FLT1: variants seen among roughly 807,000 people sequenced by gnomAD.
The protein encoded by FLT1 is fms related receptor tyrosine kinase 1.
A neutral mutation model predicts 156.3 loss-of-function variants in FLT1; 49 were observed. The observed-to-expected ratio is 0.31, with a 90% confidence interval of 0.25 to 0.40. FLT1 has a LOEUF of 0.40. Ranked by LOEUF, FLT1 falls within the 10% of genes least tolerant of loss-of-function variation. FLT1 has a pLI of 1.00. For missense variants in FLT1, 1,322 were observed against 1,637.2 expected, an observed-to-expected ratio of 0.81 and a Z score of 3.32; for synonymous variants, 594 against 583.8, an observed-to-expected ratio of 1.02 and a Z score of -0.25.
At chr13:28,361,051 G>A (rs1325192578) in intron 14 of FLT1, among the ~76,000 whole-genome samples, 1 of 152,138 alleles carries the variant, frequency 6.6e-6, no homozygotes, top group Admixed American at 6.5e-5. Flanking sequence ...AGGCCGAGGT[G>A]GGTGGATCAT....
At chr13:28,403,392 TTTTG>T (rs774013703) in intron 11 of FLT1, among the ~76,000 whole-genome samples, 2 of 152,224 alleles carry the variant, frequency 1.3e-5, no homozygotes, top group Non-Finnish European at 2.9e-5. Context: ...CATGGGCATG[TTTTG>T]ATACTCCACC....
intron 1 of FLT1, 26 bp from the exon 2 acceptor site, chr13:28,467,643 T>C (rs1879924197): frequency 1.5e-6 from 2 of 1,298,302 alleles, no homozygotes; most frequent in Non-Finnish European, 2.2e-6. Flanking sequence ...TTAAAATGTA[T>C]TATTTGTAAA....
intron 3 of FLT1, among the ~76,000 whole-genome samples, chr13:28,446,832 T>A (rs995434972): frequency 1.3e-5 from 2 of 152,144 alleles, no homozygotes; most frequent in Non-Finnish European, 2.9e-5. Context: ...AGACCCAGAA[T>A]AGACAAAACA....
chr13:28,482,807 A>G (rs1048770680), intron 1 of FLT1, among the ~76,000 whole-genome samples: 2 of 152,212 alleles, frequency 1.3e-5, no homozygotes, highest in Non-Finnish European at 2.9e-5. Context: ...ATTCCTGAAA[A>G]TTCACTCCTG....
intron 10 of FLT1, among the ~76,000 whole-genome samples, chr13:28,421,232 G>A (rs1227438997): frequency 6.6e-6 from 1 of 152,076 alleles, no homozygotes; most frequent in Non-Finnish European, 1.5e-5. Flanking sequence ...AGTTTTGCAA[G>A]CGGTTCCTTG....
At chr13:28,485,710 G>A (rs2137664445) in intron 1 of FLT1, among the ~76,000 whole-genome samples, 1 of 152,286 alleles carries the variant, frequency 6.6e-6, no homozygotes, top group African/African-American at 2.4e-5. Context: ...TTGACCAATA[G>A]AATGTGGTAG....
chr13:28,421,490 T>G (rs538091361), intron 10 of FLT1, among the ~76,000 whole-genome samples: 1 of 152,286 alleles, frequency 6.6e-6, no homozygotes, highest in Non-Finnish European at 1.5e-5. Flanking sequence ...AGGTTGGCAC[T>G]GCGGAAAATA....
intron 14 of FLT1, among the ~76,000 whole-genome samples, chr13:28,383,084 T>C (rs1269328415): frequency 6.6e-6 from 1 of 152,234 alleles, no homozygotes; most frequent in Non-Finnish European, 1.5e-5. Flanking sequence ...ATTAAAATCA[T>C]AAATAATTTC....
At chr13:28,451,142 G>C (rs1878910195) in intron 3 of FLT1, among the ~76,000 whole-genome samples, 1 of 152,226 alleles carries the variant, frequency 6.6e-6, no homozygotes, top group Non-Finnish European at 1.5e-5. Context: ...CCAACAGTTG[G>C]CCAGGCACGG....
At chr13:28,425,521 A>G (rs1433016224) in intron 10 of FLT1, among the ~76,000 whole-genome samples, 2 of 110,804 alleles carry the variant, frequency 1.8e-5, no homozygotes, top group Admixed American at 9.9e-5. Context: ...TTTTATTAGC[A>G]TCACTTAAAC....
intron 13 of FLT1, chr13:28,386,374 A>G: frequency 5.9e-6 from 6 of 1,010,510 alleles, no homozygotes; most frequent in Non-Finnish European, 6.0e-6. Context: ...CAGGGTTACT[A>G]TCTGTTAGGA....
At position 28,430,188 on chromosome 13, in the gene FLT1, C is replaced by A. The variant is rs112941796; in HGVS notation, c.989-21G>T. On this transcript the variant is annotated intron_variant, in intron 7 of 29. Coordinates refer to ENST00000282397, the MANE Select transcript of FLT1 (RefSeq NM_002019.4). ...TTTATCTTTGAAAGGAGAAGTGATA[C>A]ATACATTAGAAAAGAATAATTTCCA... 1.2e-3 allele frequency: 1,748 copies of A among 1,519,528 alleles called. 23 individuals are homozygous for A. In the African/African-American group the frequency reaches 0.02, roughly 17 times the overall value. 94.1% of individuals were successfully genotyped at this position (1,519,528 alleles called of 1,614,324 possible). A position where few individuals can be genotyped will look rare whatever the true frequency, so the allele number is the denominator to read the frequency against.
chr13:28,453,905 A>G (rs1262689897), intron 3 of FLT1, among the ~76,000 whole-genome samples: 1 of 152,158 alleles, frequency 6.6e-6, no homozygotes, highest in Non-Finnish European at 1.5e-5. Context: ...GTGAGAGGTG[A>G]GTCCTGTGTG....
chr13:28,488,170 G>A (rs2137668995), intron 1 of FLT1, among the ~76,000 whole-genome samples: 1 of 152,190 alleles, frequency 6.6e-6, no homozygotes, highest in South Asian at 2.1e-4. Context: ...GATCGAGGCG[G>A]GTGGATCACT....
At chr13:28,386,001 T>C (rs1874339276) in intron 13 of FLT1, 3 of 1,051,610 alleles carry the variant, frequency 2.9e-6, no homozygotes, top group Non-Finnish European at 3.4e-6. Flanking sequence ...AGTCATTCCT[T>C]TCCCCTCTTG....
intron 10 of FLT1, among the ~76,000 whole-genome samples, chr13:28,425,406 T>C (rs142884127): frequency 2.6e-4 from 40 of 152,290 alleles, no homozygotes; most frequent in African/African-American, 8.2e-4. Context: ...CTTGGCGAAC[T>C]TATTCCATCA....
At chr13:28,402,161 CAAAGAAAA>C (rs1816286294) in intron 11 of FLT1, among the ~76,000 whole-genome samples, 2 of 152,048 alleles carry the variant, frequency 1.3e-5, no homozygotes, top group Admixed American at 1.3e-4. Flanking sequence ...TACAACAAAA[CAAAGAAAA>C]AAAATCCAAG....
At chr13:28,305,814 C>T (rs888809265) in intron 29 of FLT1, among the ~76,000 whole-genome samples, 3 of 152,024 alleles carry the variant, frequency 2.0e-5, no homozygotes, top group African/African-American at 4.8e-5. Flanking sequence ...TGTCAGTGTC[C>T]GTGTATTTCA....
chr13:28,444,262 C>G (rs1029611661), intron 3 of FLT1, among the ~76,000 whole-genome samples: 1 of 151,986 alleles, frequency 6.6e-6, no homozygotes, highest in Admixed American at 6.6e-5. Context: ...GTCAACATGG[C>G]GAAACCCCAT....
Sources: allele counts gnomAD v4.1 joint callset (sites outside exome capture counted in the v4.1 genomes callset), GRCh38; gene constraint gnomAD v4.1.1; transcripts MANE v1.5; gene names NCBI Gene and HGNC (gene_info 2026-07-23, HGNC 2026-07-21).